Variants in SLC35D4 observed in about 807,000 individuals in gnomAD.
SLC35D4 encodes solute carrier family 35 member D4, also known as UDP-N-acetylglucosamine transporter SLC35D4.
At chr18:23,288,319 G>C in the SLC35D4 span, among the ~76,000 whole-genome samples, 1 of 152,130 alleles carries the variant, frequency 6.6e-6, no homozygotes, top group Non-Finnish European at 1.5e-5. Context: ...CCACTAGCCC[G>C]CCTCTTAGAA....
the SLC35D4 span, among the ~76,000 whole-genome samples, chr18:23,418,433 G>A: frequency 1.2e-4 from 18 of 150,614 alleles, no homozygotes; most frequent in South Asian, 1.3e-3. Context: ...GTGCAGTGGC[G>A]TGATCTCGGC....
the SLC35D4 span, among the ~76,000 whole-genome samples, chr18:23,312,271 C>A: frequency 2.0e-5 from 3 of 152,132 alleles, no homozygotes; most frequent in Non-Finnish European, 4.4e-5. Flanking sequence ...ATCCTGTCTG[C>A]CGTGAGATAG....
At chr18:23,337,350 C>T in the SLC35D4 span, among the ~76,000 whole-genome samples, 1 of 151,940 alleles carries the variant, frequency 6.6e-6, no homozygotes, top group Admixed American at 6.6e-5. Flanking sequence ...TGGCGGGCAC[C>T]TGTAGTCCCA....
the SLC35D4 span, among the ~76,000 whole-genome samples, chr18:23,374,170 A>G: frequency 6.6e-6 from 1 of 152,246 alleles, no homozygotes; most frequent in African/African-American, 2.4e-5. Flanking sequence ...AAATGAAAAC[A>G]CTACGGAAAT....
the SLC35D4 span, among the ~76,000 whole-genome samples, chr18:23,320,157 T>C: frequency 5.6e-4 from 85 of 152,340 alleles, no homozygotes; most frequent in African/African-American, 1.9e-3. Context: ...TTAGATCTTA[T>C]GAACATTTCC....
chr18:23,373,846 C>A, the SLC35D4 span: 1 of 1,481,774 alleles, frequency 6.7e-7, no homozygotes, highest in South Asian at 1.2e-5. Context: ...AAAATGCATC[C>A]TCTGGAGTTG....
At chr18:23,281,479 C>G in the SLC35D4 span, among the ~76,000 whole-genome samples, 1 of 152,198 alleles carries the variant, frequency 6.6e-6, no homozygotes, top group South Asian at 2.1e-4. Context: ...TGCACAACCA[C>G]GCCCAACTAA....
At chr18:23,256,642 G>A in the SLC35D4 span, among the ~76,000 whole-genome samples, 36 of 151,924 alleles carry the variant, frequency 2.4e-4, 1 homozygote, top group East Asian at 5.2e-3. Context: ...CGCCACGCCC[G>A]GCTCATTTTT....
At chr18:23,361,998 T>A in the SLC35D4 span, among the ~76,000 whole-genome samples, 4 of 152,198 alleles carry the variant, frequency 2.6e-5, no homozygotes, top group African/African-American at 9.7e-5. Context: ...TTTCATTACC[T>A]CAAAAAGAAA....
chr18:23,392,098 C>T, the SLC35D4 span, among the ~76,000 whole-genome samples: 2 of 151,960 alleles, frequency 1.3e-5, no homozygotes, highest in African/African-American at 2.4e-5. Context: ...CCACCATACC[C>T]GGCTAATTTT....
the SLC35D4 span, among the ~76,000 whole-genome samples, chr18:23,402,327 G>A: frequency 2.0e-5 from 3 of 152,118 alleles, no homozygotes; most frequent in African/African-American, 7.2e-5. Context: ...AGTACCAAAG[G>A]CCTCATTCTA....
At chr18:23,336,751 G>T in the SLC35D4 span, among the ~76,000 whole-genome samples, 1 of 152,198 alleles carries the variant, frequency 6.6e-6, no homozygotes, top group South Asian at 2.1e-4. Flanking sequence ...GTGAACTGGG[G>T]AGAGGAGCCC....
At chr18:23,428,350 C>T in the SLC35D4 span, among the ~76,000 whole-genome samples, 2 of 152,076 alleles carry the variant, frequency 1.3e-5, no homozygotes, top group Non-Finnish European at 2.9e-5. Context: ...AAACAACATA[C>T]CTTTTGCTCA....
At chr18:23,350,288 C>G in the SLC35D4 span, among the ~76,000 whole-genome samples, 6 of 152,246 alleles carry the variant, frequency 3.9e-5, no homozygotes, top group African/African-American at 1.4e-4. Context: ...GTCTAAGGGT[C>G]ATCCTCATGT....
the SLC35D4 span, among the ~76,000 whole-genome samples, chr18:23,414,169 C>A: frequency 4.0e-5 from 6 of 151,680 alleles, no homozygotes; most frequent in Admixed American, 6.6e-5. Context: ...GCAGGAGAAT[C>A]GCTTGAACAG....
chr18:23,301,844 A>G, the SLC35D4 span, among the ~76,000 whole-genome samples: 2 of 152,346 alleles, frequency 1.3e-5, no homozygotes, highest in Admixed American at 6.5e-5. Flanking sequence ...AGAGGGAATT[A>G]ATATTACTAT....
chr18:23,250,667 T>C, the SLC35D4 span, among the ~76,000 whole-genome samples: 1 of 152,178 alleles, frequency 6.6e-6, no homozygotes, highest in South Asian at 2.1e-4. Flanking sequence ...GGCTGCCCCT[T>C]TCCTGGTCCT....
At chr18:23,325,775 T>G in the SLC35D4 span, among the ~76,000 whole-genome samples, 2 of 152,160 alleles carry the variant, frequency 1.3e-5, no homozygotes, top group Admixed American at 6.5e-5. Context: ...TATAGAAATA[T>G]GAATTGTGGC....
chr18:23,335,302 T>A, the SLC35D4 span, among the ~76,000 whole-genome samples: 2 of 152,198 alleles, frequency 1.3e-5, no homozygotes, highest in East Asian at 3.8e-4. Flanking sequence ...CATTGATGCA[T>A]CCAAACTTAG....
Sources: gnomAD v4.1 joint callset for allele counts (sites outside exome capture counted in the v4.1 genomes callset) on GRCh38, gnomAD v4.1.1 for gene constraint, MANE v1.5 for transcripts, NCBI Gene and HGNC (gene_info 2026-07-23, HGNC 2026-07-21) for gene names.